Variants in FAT1 observed in about 807,000 individuals in gnomAD.
FAT1 encodes FAT atypical cadherin 1.
In FAT1, 171 loss-of-function variants were observed where a neutral mutation model predicts 329.8. The observed-to-expected ratio is 0.52, with a 90% confidence interval of 0.46 to 0.59. The LOEUF is 0.59. FAT1 is among the 20% of genes least tolerant of loss of function. The pLI is 0.00. For synonymous variants in FAT1, 2,233 were observed against 2,228.6 expected (o/e 1.00, Z -0.06); for missense variants, 5,672 against 5,774.4 (o/e 0.98, Z 0.57).
Position 186,620,393 on chromosome 4 carries a change from CG to C in FAT1, c.6192del (p.His2064GlnfsTer4). On this transcript the variant is annotated frameshift_variant, in exon 10 of 27. Coordinates refer to ENST00000441802, the MANE Select transcript of FAT1 (RefSeq NM_005245.4). LOFTEE classifies it high-confidence loss of function. ...TEEHKPSAVAHVVVKVIVEDQ... is the reference protein window; with the variant it reads ...TEEHKPSAVAXVVVKVIVEDQ... ...TCTTCTACAATGACCTTCACGACAA[CG>C]TGGGCCACTGCAGAAGGCTTATGTT... The C allele has an allele frequency of 6.2e-7, 1 of 1,614,004 alleles. No individual in the cohort carries two copies.
intron 9 of FAT1, among the ~76,000 whole-genome samples, chr4:186,622,044 T>A (rs549145844): frequency 6.7e-4 from 102 of 152,130 alleles, no homozygotes; most frequent in Non-Finnish European, 1.2e-3. Context: ...CAAAACTCCC[T>A]CTCTCGGCTG....
intron 2 of FAT1, among the ~76,000 whole-genome samples, chr4:186,687,606 G>A (rs111503879): frequency 2.8e-4 from 43 of 152,280 alleles, no homozygotes; most frequent in African/African-American, 8.9e-4. Context: ...AACATGGTGC[G>A]CTGGGCATTG....
rs554453957 is a variant in FAT1, at chr4:186,671,859, C to A, written c.3266-8246G>T. On this transcript the variant is annotated intron_variant, in intron 2 of 26. Coordinates refer to ENST00000441802, the MANE Select transcript of FAT1 (RefSeq NM_005245.4). ...TATACATTTAATGTTCTTGCTTCTG[C>A]CATCAGTTGGCAAATTTATGTTATT... 3.3e-5 allele frequency among the ~76,000 whole-genome samples: 5 copies of A among 151,844 alleles called. No individual in the cohort carries two copies. The East Asian group carries it at 7.7e-4, about 23-fold the overall frequency.
At chr4:186,604,257 C>A in intron 18 of FAT1, 120 bp downstream of exon 18, 1 of 846,494 alleles carries the variant, frequency 1.2e-6, no homozygotes, top group Non-Finnish European at 1.8e-6. Flanking sequence ...ACAAAGACAG[C>A]AATTCTATGA....
At chr4:186,642,478 C>T (rs890155946) in intron 3 of FAT1, among the ~76,000 whole-genome samples, 4 of 152,204 alleles carry the variant, frequency 2.6e-5, no homozygotes, top group Admixed American at 1.3e-4. Flanking sequence ...TTTCTTAAAA[C>T]TATGAATGAG....
chr4:186,632,013 C>T (rs1052178583), intron 7 of FAT1, among the ~76,000 whole-genome samples: 3 of 152,048 alleles, frequency 2.0e-5, no homozygotes. Context: ...TCTTATAGTC[C>T]GACTGCCTTT....
At chr4:186,679,946 TA>T (rs1256196481) in intron 2 of FAT1, among the ~76,000 whole-genome samples, 1 of 152,210 alleles carries the variant, frequency 6.6e-6, no homozygotes, top group Non-Finnish European at 1.5e-5. Context: ...CATAATTTTA[TA>T]AATTCTCAAT....
chr4:186,597,909 C>T lies in FAT1; in HGVS notation c.12257+63G>A, dbSNP rs538368483. 1.9e-6 allele frequency: 3 copies of T among 1,570,440 alleles called. No individual in the cohort carries two copies. In the African/African-American group the frequency reaches 4.1e-5, roughly 21 times the overall value. On this transcript the variant is annotated intron_variant, in intron 23 of 26. Coordinates refer to ENST00000441802, the MANE Select transcript of FAT1 (RefSeq NM_005245.4). ...TTAACGTGCAGACTTTTTACATGTA[C>T]CATTATATGTTTAAGAATTTTATAC...
intron 14 of FAT1, among the ~76,000 whole-genome samples, chr4:186,610,223 G>T (rs1739338379): frequency 6.6e-6 from 1 of 151,956 alleles, no homozygotes; most frequent in African/African-American, 2.4e-5. Flanking sequence ...TAATTTTCAT[G>T]ATATTCTTCA....
At chr4:186,644,552 C>T (rs1741268158) in intron 3 of FAT1, among the ~76,000 whole-genome samples, 1 of 152,138 alleles carries the variant, frequency 6.6e-6, no homozygotes, top group African/African-American at 2.4e-5. Flanking sequence ...AATGTATGCA[C>T]AATGCAGTAA....
At chr4:186,714,915 T>TAAAAATAC (rs1201511001) in intron 1 of FAT1, among the ~76,000 whole-genome samples, 22 of 152,008 alleles carry the variant, frequency 1.4e-4, no homozygotes, top group African/African-American at 4.8e-4. Context: ...CTGTCTCTAC[T>TAAAAATAC]AAAAATACAA....
Position 186,633,820 on chromosome 4 carries a change from C to T in FAT1, c.4187G>A (p.Gly1396Asp). The change falls in exon 7 of 27, where the codon GGC (glycine) becomes GAC (aspartate). Residue 1396 changes from glycine to aspartate, a missense_variant. Physicochemically the swap from Gly to Asp is moderately conservative, Grantham distance 94 (BLOSUM62 -1). Around this residue, in one of 2 missense-constraint regions of FAT1, gnomAD observed 3,966 missense variants for 3,915.2 expected, o/e 1.01. Transcript: ENST00000441802. Reference protein sequence around the residue: ...GIPLWFDITGGNYDSHFDVDK... With the variant: ...GIPLWFDITGDNYDSHFDVDK... The stretch of plus-strand genomic sequence containing the variant: ...CACATCGAAGTGACTGTCGTAGTTG[C>T]CACCTAATTTGGGGAAAAAAAAGTA... The T allele has an allele frequency of 6.2e-7, 1 of 1,613,810 alleles. No individual in the cohort carries two copies. The highest frequency in any genetic ancestry group is 1.3e-5 in the African/African-American group (1 of 74,996).
At position 186,617,777 on chromosome 4, in the gene FAT1, T is replaced by C. The variant is rs1218440306; in HGVS notation, c.8809A>G (p.Ile2937Val). The change falls in exon 10 of 27, where the codon ATT becomes GTT. Residue 2937 changes from isoleucine (I) to valine (V), a missense_variant. This residue lies in a region of FAT1 where 3,966 missense variants were observed against 3,915.2 expected (regional missense o/e 1.01). Transcript: ENST00000441802. ...VSEDDPQGGV[I>V]AILSTTDADS... ...GCATCCGTGGTACTTAAGATGGCAA[T>C]CACCCCACCTTGGGGGTCATCCTCA... The C allele has an allele frequency of 3.7e-6, 6 of 1,613,606 alleles. No individual in the cohort carries two copies. The highest frequency in any genetic ancestry group is 5.1e-6 in the Non-Finnish European group (6 of 1,179,628).
chr4:186,609,167 A>T lies in FAT1; in HGVS notation c.10206+16T>A. On this transcript the variant is annotated intron_variant, in intron 16 of 26. Transcript: ENST00000441802. ...TGGTGATTTGTAAACAACGTAAATC[A>T]ACCTTTTTCACTTACCGTTTCTCGG... 1.9e-6 allele frequency: 3 copies of T among 1,610,046 alleles called. No homozygotes were observed. The highest frequency in any genetic ancestry group is 2.5e-6 in the Non-Finnish European group (3 of 1,178,292).
chr4:186,692,513 C>T (rs1254442336), intron 2 of FAT1, among the ~76,000 whole-genome samples: 6 of 152,046 alleles, frequency 3.9e-5, no homozygotes, highest in Admixed American at 6.6e-5. Context: ...GGGGTTTCAC[C>T]GTGTTAGCCA....
chr4:186,607,403 A>G (rs957636826), intron 16 of FAT1, among the ~76,000 whole-genome samples: 6 of 143,884 alleles, frequency 4.2e-5, no homozygotes, highest in Non-Finnish European at 7.5e-5. Context: ...AGGTGGATGG[A>G]TAAATGGGTG....
chr4:186,603,195 T>C lies in FAT1; in HGVS notation c.11331A>G (p.Ala3777=), dbSNP rs2126424562. The C allele has an allele frequency of 6.2e-7, 1 of 1,613,780 alleles. No homozygotes were observed. The highest frequency in any genetic ancestry group is 8.5e-7 in the Non-Finnish European group (1 of 1,179,786). The change falls in exon 19 of 27, where the codon GCA becomes GCG. Residue 3777 remains alanine, a synonymous_variant. Coordinates refer to ENST00000441802, the MANE Select transcript of FAT1 (RefSeq NM_005245.4). ...CAGTACCTTTGCAGAGACACACCGC[T>C]GCCCTGTGGTGGCGGGGAGTCACAA... ...LSFVTPRHHR[A]AVCLCKEGRC... is the part of the protein sequence containing the mutation.
rs140071997 is a variant in FAT1 at position 186,612,588 on chromosome 4, A to T, written c.9463+521T>A. Among the ~76,000 whole-genome samples, 1,507 of 152,336 alleles carry T rather than the reference A, an allele frequency of 9.9e-3. 25 individuals carry two copies. Among genetic ancestry groups the T allele is most frequent in the African/African-American group, 0.032 (1,350 of 41,568 alleles). ...ATGCAAATATTCCAAAATCTGAAAA[A>T]TATCCAAAAATCCAAAAATACTTCT... is the stretch of plus-strand genomic sequence containing the variant. On this transcript the variant is annotated intron_variant, in intron 13 of 26. Transcript: ENST00000441802.
At chr4:186,723,936 C>T (rs1048124241), upstream of FAT1, 3 of 151,120 alleles carry the variant, frequency 2.0e-5, no homozygotes, top group Non-Finnish European at 3.0e-5. Context: ...AACTCGAGCC[C>T]ACTTTCCCCG....
Sources: allele counts gnomAD v4.1 joint callset (sites outside exome capture counted in the v4.1 genomes callset), GRCh38; gene constraint gnomAD v4.1.1; regional missense constraint gnomAD v4.1.1; transcripts MANE v1.5; gene names NCBI Gene and HGNC (gene_info 2026-07-23, HGNC 2026-07-21).